Variants in GALNTL6 observed in about 807,000 individuals in gnomAD.
GALNTL6 encodes the protein polypeptide N-acetylgalactosaminyltransferase-like 6.
Under a neutral mutation model 73.7 loss-of-function variants are expected in GALNTL6, and 46 were observed. The ratio of observed to expected loss-of-function variants is 0.62; its 90% CI spans 0.49 to 0.80. The LOEUF (loss-of-function observed/expected upper bound fraction) is 0.80, where lower values mean the gene tolerates loss of function less well. Among genes scored for constraint, GALNTL6 ranks in the 30% least tolerant of loss-of-function variants. The pLI, the probability that GALNTL6 is intolerant of heterozygous loss-of-function variation, is 0.00. For synonymous variants in GALNTL6, 259 were observed against 263.7 expected (o/e 0.98, Z 0.17); for missense variants, 604 against 755.0 (o/e 0.80, Z 2.34).
In GALNTL6 at chr4:172,469,449, TA is replaced by T. The variant is rs36066213; in HGVS notation, c.553+120772del. On this transcript the variant is annotated intron_variant, in intron 5 of 12. Transcript: ENST00000506823. ...AGTGAGACCTCATCTCTACAAAAAATAAAAAAAAAAAATAGCCAGTCATGAT... is the reference window on the plus strand; with the variant it reads ...AGTGAGACCTCATCTCTACAAAAAATAAAAAAAAAAATAGCCAGTCATGAT... 7.6e-4 allele frequency among the ~76,000 whole-genome samples: 111 copies of T among 145,576 alleles called. 1 individual carries two copies. Among genetic ancestry groups the T allele is most frequent in the African/African-American group, 9.8e-4 (38 of 38,714 alleles).
intron 2 of GALNTL6, among the ~76,000 whole-genome samples, chr4:171,996,723 CAAAAAA>C (rs35734964): frequency 1.8e-4 from 17 of 94,156 alleles, no homozygotes; most frequent in Admixed American, 5.4e-4. Context: ...AGCTGACGAG[CAAAAAA>C]AAAAAAAAAA....
intron 7 of GALNTL6, among the ~76,000 whole-genome samples, chr4:172,836,149 C>A (rs1013645233): frequency 1.3e-5 from 2 of 152,216 alleles, no homozygotes; most frequent in African/African-American, 4.8e-5. Flanking sequence ...AGGTAGACAG[C>A]AGAAGGCTGA....
chr4:172,600,848 T>A lies in GALNTL6; in HGVS notation c.554-208513T>A, dbSNP rs148998573. Among the ~76,000 whole-genome samples, 91 of 152,036 alleles carry A rather than the reference T, an allele frequency of 6.0e-4. 1 individual carries two copies. In the East Asian group the frequency reaches 0.017, roughly 28 times the overall value. ...CCTAAATACTGGCCATAACAAAAGT[T>A]GCTACTCTATAATAGAAGATAACAA... On this transcript the variant is annotated intron_variant, in intron 5 of 12. Transcript: ENST00000506823.
intron 12 of GALNTL6, among the ~76,000 whole-genome samples, chr4:173,038,100 G>A (rs1327849543): frequency 6.6e-6 from 1 of 152,208 alleles, no homozygotes; most frequent in African/African-American, 2.4e-5. Context: ...TGAAGAGGGG[G>A]CAAGAAGTGC....
chr4:172,158,688 G>T (rs942124579), intron 2 of GALNTL6, among the ~76,000 whole-genome samples: 3 of 152,098 alleles, frequency 2.0e-5, no homozygotes, highest in African/African-American at 7.2e-5. Context: ...TTATATAATA[G>T]AATTTATGAA....
At chr4:172,003,230 A>G (rs1397183638) in intron 2 of GALNTL6, among the ~76,000 whole-genome samples, 1 of 152,092 alleles carries the variant, frequency 6.6e-6, no homozygotes, top group Non-Finnish European at 1.5e-5. Flanking sequence ...TTGGAGTAAT[A>G]CTTGTATTTG....
chr4:172,094,358 T>A (rs2131003), intron 2 of GALNTL6, among the ~76,000 whole-genome samples: 151,095 of 152,246 alleles, frequency 0.99, 74,985 homozygotes, highest in Middle Eastern at 1. Context: ...AATGATTATT[T>A]GATTTGTATT....
intron 3 of GALNTL6, among the ~76,000 whole-genome samples, chr4:172,288,648 C>T (rs1203297539): frequency 6.6e-6 from 1 of 152,054 alleles, no homozygotes; most frequent in Non-Finnish European, 1.5e-5. Flanking sequence ...TGTGTGTTTT[C>T]TAAAGACTGC....
At chr4:171,854,550 T>A (rs1560814913) in intron 2 of GALNTL6, among the ~76,000 whole-genome samples, 1 of 152,202 alleles carries the variant, frequency 6.6e-6, no homozygotes, top group African/African-American at 2.4e-5. Context: ...AAGTGAGAGG[T>A]ACTTGGATAA....
At chr4:172,205,361 C>T (rs1736074812) in intron 2 of GALNTL6, among the ~76,000 whole-genome samples, 1 of 152,154 alleles carries the variant, frequency 6.6e-6, no homozygotes, top group Admixed American at 6.5e-5. Flanking sequence ...GATGTAATAA[C>T]ATGGACACAA....
chr4:172,278,037 TC>T (rs1738897637), intron 3 of GALNTL6, among the ~76,000 whole-genome samples: 1 of 152,170 alleles, frequency 6.6e-6, no homozygotes. Flanking sequence ...CTGCAATTTC[TC>T]TCTATATTTT....
chr4:172,268,323 A>T (rs573865581), intron 3 of GALNTL6, among the ~76,000 whole-genome samples: 11 of 152,324 alleles, frequency 7.2e-5, no homozygotes, highest in Admixed American at 7.2e-4. Context: ...CATGTGAATA[A>T]GAAGGAAAAG....
intron 2 of GALNTL6, among the ~76,000 whole-genome samples, chr4:171,902,455 G>A (rs1325049847): frequency 2.0e-5 from 3 of 152,176 alleles, no homozygotes; most frequent in African/African-American, 2.4e-5. Context: ...GATGACAGGC[G>A]AGGACATTCA....
At chr4:172,624,431 A>T (rs146350600) in intron 5 of GALNTL6, among the ~76,000 whole-genome samples, 1,547 of 151,854 alleles carry the variant, frequency 0.01, 16 homozygotes, top group Non-Finnish European at 0.018. Flanking sequence ...CTAGAAAAAA[A>T]AAATGCTCTC....
intron 2 of GALNTL6, among the ~76,000 whole-genome samples, chr4:172,221,080 A>G (rs936685352): frequency 7.2e-5 from 11 of 151,808 alleles, no homozygotes; most frequent in African/African-American, 2.7e-4. Context: ...TTGGTAGTAG[A>G]TATATGAAAG....
At chr4:172,226,020 GA>G (rs1159273456) in intron 2 of GALNTL6, among the ~76,000 whole-genome samples, 1 of 152,104 alleles carries the variant, frequency 6.6e-6, no homozygotes, top group Non-Finnish European at 1.5e-5. Flanking sequence ...GAATGCCTAA[GA>G]ATTTTTATTT....
intron 5 of GALNTL6, among the ~76,000 whole-genome samples, chr4:172,797,084 C>G (rs1349452629): frequency 6.6e-6 from 1 of 151,908 alleles, no homozygotes. Context: ...ATAAATTCTT[C>G]TGAAAAAAAC....
chr4:172,860,575 G>T (rs895198501), intron 7 of GALNTL6, among the ~76,000 whole-genome samples: 8 of 152,266 alleles, frequency 5.3e-5, no homozygotes, highest in Non-Finnish European at 7.4e-5. Flanking sequence ...ACCAAAAAGT[G>T]CTGCAACCAG....
intron 2 of GALNTL6, among the ~76,000 whole-genome samples, chr4:171,972,979 T>A (rs1335529124): frequency 6.6e-6 from 1 of 152,180 alleles, no homozygotes; most frequent in Non-Finnish European, 1.5e-5. Context: ...TATGATGAAA[T>A]GTATTACTAT....
Sources: gnomAD v4.1 joint callset for allele counts (sites outside exome capture counted in the v4.1 genomes callset) on GRCh38, gnomAD v4.1.1 for gene constraint, MANE v1.5 for transcripts, NCBI Gene and HGNC (gene_info 2026-07-23, HGNC 2026-07-21) for gene names.